Variants in ZNF280D observed in about 807,000 individuals in gnomAD.
The protein encoded by ZNF280D is zinc finger protein 280D, also known as suppressor of hairy wing homolog 4.
ZNF280D carries 39 observed loss-of-function variants against 94.7 expected under a neutral mutation model. That is an observed-to-expected ratio of 0.41 (90% confidence interval 0.32 to 0.54). The LOEUF is 0.54. Ranked by LOEUF, ZNF280D falls within the 20% of genes least tolerant of loss-of-function variation. The pLI, the probability that ZNF280D is intolerant of heterozygous loss-of-function variation, is 0.22. For synonymous variants in ZNF280D, 398 were observed against 377.6 expected, an observed-to-expected ratio of 1.05 and a Z score of -0.63; for missense variants, 1,090 against 1,149.3, an observed-to-expected ratio of 0.95 and a Z score of 0.75.
At chr15:56,669,925 T>TA (rs34674390) in intron 13 of ZNF280D, among the ~76,000 whole-genome samples, 2 of 3,288 alleles carry the variant, frequency 6.1e-4, no homozygotes, top group African/African-American at 1.6e-3. Flanking sequence ...TATATATATA[T>TA]TATATATATA....
At chr15:56,688,489 CAAA>C (rs55861049) in intron 9 of ZNF280D, among the ~76,000 whole-genome samples, 5 of 76,692 alleles carry the variant, frequency 6.5e-5, no homozygotes, top group Non-Finnish European at 1.0e-4. Context: ...GACTCCGTCT[CAAA>C]AAAAAAAAAA....
chr15:56,630,738 C>T lies in ZNF280D; in HGVS notation c.*760G>A, dbSNP rs192550967. On this transcript the variant is annotated 3_prime_UTR_variant, in exon 22 of 22. Coordinates refer to ENST00000267807, the MANE Select transcript of ZNF280D (RefSeq NM_017661.4). ...CTACTTTACATTAATACAACTAATA[C>T]ATCAAAGAATTTCTACACAGCTTAC... 1 of 152,192 alleles carries T rather than the reference C, an allele frequency of 6.6e-6. No homozygotes were observed. The highest frequency in any genetic ancestry group is 1.9e-4 in the East Asian group (1 of 5,194). 9.4% of individuals were successfully genotyped at this position (152,192 alleles called of 1,614,324 possible). A position where few individuals can be genotyped will look rare whatever the true frequency, so the allele number is the denominator to read the frequency against.
chr15:56,652,936 T>A (rs1360483650), intron 19 of ZNF280D: 1 of 934,212 alleles, frequency 1.1e-6, no homozygotes. Context: ...TAAACAAATT[T>A]TAAATAATAT....
At chr15:56,722,994 C>T (rs1266391239) in intron 1 of ZNF280D, among the ~76,000 whole-genome samples, 8 of 149,366 alleles carry the variant, frequency 5.4e-5, no homozygotes, top group East Asian at 2.0e-4. Context: ...AACCAAACAC[C>T]GCATATTCTC....
At chr15:56,694,927 T>A (rs747390486) in intron 6 of ZNF280D, among the ~76,000 whole-genome samples, 6 of 152,178 alleles carry the variant, frequency 3.9e-5, no homozygotes, top group Non-Finnish European at 7.4e-5. Context: ...GTACTATTTT[T>A]TCTGTGTCTA....
At chr15:56,640,767 C>A (rs868409245) in intron 20 of ZNF280D, among the ~76,000 whole-genome samples, 1 of 151,988 alleles carries the variant, frequency 6.6e-6, no homozygotes, top group Non-Finnish European at 1.5e-5. Context: ...TTTTGAATAC[C>A]ATTTCCAAAT....
At chr15:56,663,521 G>A (rs2054095109) in intron 16 of ZNF280D, among the ~76,000 whole-genome samples, 1 of 152,016 alleles carries the variant, frequency 6.6e-6, no homozygotes, top group Non-Finnish European at 1.5e-5. Flanking sequence ...ACACTGCAGA[G>A]AAGAGTTCGC....
intron 17 of ZNF280D, among the ~76,000 whole-genome samples, chr15:56,655,691 T>C (rs1374417777): frequency 2.6e-5 from 4 of 152,248 alleles, no homozygotes; most frequent in Non-Finnish European, 5.9e-5. Flanking sequence ...TACATTAAGA[T>C]TCTAACTTAA....
At chr15:56,725,287 T>C (rs1391327538) in intron 1 of ZNF280D, among the ~76,000 whole-genome samples, 1 of 151,910 alleles carries the variant, frequency 6.6e-6, no homozygotes, top group Non-Finnish European at 1.5e-5. Context: ...CAAAAAAAGA[T>C]GTGTGGTTGA....
At chr15:56,684,451 G>A (rs1198367874) in intron 9 of ZNF280D, among the ~76,000 whole-genome samples, 2 of 151,826 alleles carry the variant, frequency 1.3e-5, no homozygotes, top group Non-Finnish European at 2.9e-5. Flanking sequence ...CTATTTGGAA[G>A]ACCACAAAGC....
rs1173949082 is a variant in ZNF280D, at chr15:56,666,605, A to T, written c.1854-70T>A. 3.3e-6 allele frequency: 5 copies of T among 1,516,592 alleles called. No individual in the cohort carries two copies. In the East Asian group the frequency reaches 1.2e-4, roughly 38 times the overall value. 93.9% of individuals were successfully genotyped at this position (1,516,592 alleles called of 1,614,324 possible). ...AAAATAATAAGGAAGAGCCTTAATA[A>T]TGTTCTCTTAACTAAAGTATAAGTT... On this transcript the variant is annotated intron_variant, in intron 15 of 21. Transcript: ENST00000267807.
In ZNF280D at chr15:56,704,229, C is replaced by T. The variant is rs1413092314; in HGVS notation, c.67G>A (p.Glu23Lys). 6.2e-7 allele frequency: 1 copy of T among 1,612,850 alleles called. No individual in the cohort carries two copies. Among genetic ancestry groups the T allele is most frequent in the South Asian group, 1.1e-5 (1 of 90,776 alleles). Residue 23 changes from glutamate (E) to lysine (K), a missense_variant, in exon 4 of 22, where the codon GAA becomes AAA. Transcript: ENST00000267807. Reference protein sequence around the residue: ...KMAELFMECEEEELEPWQKKV... With the variant: ...KMAELFMECEKEELEPWQKKV... ...TTCTGCCATGGTTCCAGCTCCTCTT[C>T]TTCACATTCCATAAACAGTTCTGCC... is the stretch of plus-strand genomic sequence containing the variant.
chr15:56,686,290 A>C (rs1374855217), intron 9 of ZNF280D, among the ~76,000 whole-genome samples: 1 of 152,076 alleles, frequency 6.6e-6, no homozygotes, highest in Admixed American at 6.5e-5. Flanking sequence ...GGCGTGTGTC[A>C]CCATGCCTGG....
intron 9 of ZNF280D, 66 bp downstream of exon 9, chr15:56,688,975 C>T: frequency 1.0e-6 from 1 of 982,448 alleles, no homozygotes; most frequent in Non-Finnish European, 1.5e-6. Context: ...CCATTAATTA[C>T]TGTAATCATC....
At chr15:56,668,290 G>A (rs1213144777) in intron 14 of ZNF280D, 2 of 377,898 alleles carry the variant, frequency 5.3e-6, no homozygotes, top group Non-Finnish European at 1.0e-5. Context: ...GGCAAAAAGG[G>A]AAAAGTAAAT....
chr15:56,634,324 AG>A (rs1240539265), intron 21 of ZNF280D, among the ~76,000 whole-genome samples: 9 of 152,094 alleles, frequency 5.9e-5, no homozygotes, highest in Non-Finnish European at 1.2e-4. Context: ...TATAATTCTT[AG>A]TTTTGTTCAG....
In ZNF280D at chr15:56,728,839, T is replaced by C. The variant is rs113008019; in HGVS notation, c.-86+4619A>G. On this transcript the variant is annotated intron_variant, in intron 1 of 21. Transcript: ENST00000267807. ...AAATTACATGAGATACTCAACACTT[T>C]ATTATTAAAAAATAAGCTTTGAGTT... Among the ~76,000 whole-genome samples the C allele has an allele frequency of 1.2e-3, 182 of 152,310 alleles. 4 individuals carry two copies. The highest frequency in any genetic ancestry group is 4.2e-3 in the African/African-American group (173 of 41,576).
chr15:56,637,404 C>G (rs2052405848), intron 20 of ZNF280D, among the ~76,000 whole-genome samples: 1 of 151,674 alleles, frequency 6.6e-6, no homozygotes, highest in Non-Finnish European at 1.5e-5. Flanking sequence ...TGGTCTCAAA[C>G]TCCCAGCCTC....
intron 9 of ZNF280D, 79 bp from the exon 10 acceptor site, chr15:56,682,556 T>A (rs548702695): frequency 4.4e-5 from 40 of 915,682 alleles, no homozygotes; most frequent in Non-Finnish European, 6.1e-5. Flanking sequence ...TGATTGTGTG[T>A]TTACACCTAA....
Sources: allele counts gnomAD v4.1 joint callset (sites outside exome capture counted in the v4.1 genomes callset), GRCh38; gene constraint gnomAD v4.1.1; transcripts MANE v1.5; gene names NCBI Gene and HGNC (gene_info 2026-07-23, HGNC 2026-07-21).